Variants in FBXW4 observed in about 807,000 individuals in gnomAD.
FBXW4 encodes F-box/WD repeat-containing protein 4.
FBXW4 carries 40 observed loss-of-function variants against 61.8 expected under a neutral mutation model. That is an observed-to-expected ratio of 0.65 (90% CI 0.50 to 0.84). The LOEUF is 0.84. FBXW4 is among the 40% of genes least tolerant of loss of function. FBXW4 has a pLI of 0.00. For missense variants in FBXW4, 672 were observed against 753.8 expected (o/e 0.89, Z 1.27); for synonymous variants, 311 against 313.8 (o/e 0.99, Z 0.10).
chr10:101,674,326 C>CAAA (rs11431014), intron 2 of FBXW4, among the ~76,000 whole-genome samples: 10 of 140,074 alleles, frequency 7.1e-5, no homozygotes, highest in East Asian at 4.1e-4. Flanking sequence ...GAGACTGTCT[C>CAAA]AAAAAAAAAA....
In FBXW4 at chr10:101,611,351, G is replaced by A. The variant is rs1293225792; in HGVS notation, c.1644C>T (p.Thr548=). 2.5e-6 allele frequency: 4 copies of A among 1,614,192 alleles called. No individual in the cohort carries two copies. The highest frequency in any genetic ancestry group is 1.3e-5 in the African/African-American group (1 of 75,064). The change falls in exon 9 of 9, where the codon ACC becomes ACT. Residue 548 remains threonine, a synonymous_variant. Transcript: ENST00000331272. This position sits in a 1 kb window ranked among gnomAD's most constrained non-coding sequence, Gnocchi z 4.9. ...AAGACAGGGCAGCATAGAGATGCTT[G>A]GTGGTGAGACGCAGGCAGTACACAG... is the stretch of plus-strand genomic sequence containing the variant. ...SSPVYCLRLT[T]KHLYAALSYN...
chr10:101,612,396 T>C lies in FBXW4; in HGVS notation c.1383A>G (p.Thr461=), dbSNP rs765690760. The C allele has an allele frequency of 4.4e-6, 7 of 1,600,616 alleles. No individual in the cohort carries two copies. The highest frequency in any genetic ancestry group is 4.0e-5 in the African/African-American group (3 of 74,654). The change falls in exon 7 of 9, where the codon ACA becomes ACG. Residue 461 remains threonine (T), a synonymous_variant. Transcript: ENST00000331272. ...VLDVMYESPF[T]LLSCGYDTYV... is the part of the protein sequence containing the mutation. ...AGGTGTCATAGCCACAGGACAGCAG[T>C]GTGAAAGGGGACTCATACATGACAT...
intron 6 of FBXW4, among the ~76,000 whole-genome samples, chr10:101,619,620 C>T (rs2134808845): frequency 6.6e-6 from 1 of 151,358 alleles, no homozygotes; most frequent in Non-Finnish European, 1.5e-5. Flanking sequence ...GATAGCACCA[C>T]TGTACTCCAC....
intron 5 of FBXW4, among the ~76,000 whole-genome samples, chr10:101,657,522 T>C (rs1338734858): frequency 6.6e-6 from 1 of 150,864 alleles, no homozygotes; most frequent in Non-Finnish European, 1.5e-5. Context: ...TAGTACCAGC[T>C]ACTTGGGGGG....
In FBXW4 at chr10:101,615,526, C is replaced by G. The variant is rs999336134; in HGVS notation, c.1302-3049G>C. Among the ~76,000 whole-genome samples, 10 of 152,024 alleles carry G rather than the reference C, an allele frequency of 6.6e-5. No homozygotes were observed. The East Asian group carries it at 1.9e-3, about 29-fold the overall frequency. On this transcript the variant is annotated intron_variant, in intron 6 of 8. Transcript: ENST00000331272. ...GGGAGACCTGTTTCCTTGGCTCTGA[C>G]CGTGTGCAGGCTGCTCCTGGGAACC...
chr10:101,612,736 C>T (rs2063798426), intron 6 of FBXW4, among the ~76,000 whole-genome samples: 1 of 151,200 alleles, frequency 6.6e-6, no homozygotes, highest in African/African-American at 2.4e-5. Flanking sequence ...TGCGTGCCGG[C>T]TGCCACCCAC....
At chr10:101,628,732 C>A (rs902848960) in intron 5 of FBXW4, among the ~76,000 whole-genome samples, 1 of 152,212 alleles carries the variant, frequency 6.6e-6, no homozygotes, top group African/African-American at 2.4e-5. Flanking sequence ...GAGGTACCAA[C>A]ACCTAAAAAT....
intron 6 of FBXW4, among the ~76,000 whole-genome samples, chr10:101,619,926 C>T (rs976378908): frequency 6.6e-6 from 1 of 152,202 alleles, no homozygotes; most frequent in Non-Finnish European, 1.5e-5. Flanking sequence ...AGCTGAGAGA[C>T]ACACATAGAC....
intron 5 of FBXW4, among the ~76,000 whole-genome samples, chr10:101,642,989 C>T (rs1463157448): frequency 6.6e-6 from 1 of 152,192 alleles, no homozygotes; most frequent in Non-Finnish European, 1.5e-5. Context: ...TCCCTGCCAT[C>T]CTCCCCAAAT....
chr10:101,663,042 C>A (rs532952120), intron 5 of FBXW4, among the ~76,000 whole-genome samples: 7 of 152,304 alleles, frequency 4.6e-5, no homozygotes, highest in Admixed American at 2.0e-4. Flanking sequence ...ACAGCAATGA[C>A]AAAAGGCCTG....
At chr10:101,639,132 T>C (rs932978854) in intron 5 of FBXW4, among the ~76,000 whole-genome samples, 1 of 152,194 alleles carries the variant, frequency 6.6e-6, no homozygotes, top group Non-Finnish European at 1.5e-5. Context: ...TCATTTTCCT[T>C]TGGAGGAAGC....
intron 5 of FBXW4, among the ~76,000 whole-genome samples, chr10:101,657,639 CA>C (rs35721394): frequency 4.2e-3 from 237 of 56,106 alleles, no homozygotes; most frequent in African/African-American, 0.017. Context: ...GACTCTGTCT[CA>C]AAAAAAAAAA....
At chr10:101,672,861 C>T (rs1338928406) in intron 4 of FBXW4, 54 bp downstream of exon 4, 14 of 1,580,204 alleles carry the variant, frequency 8.9e-6, no homozygotes, top group Non-Finnish European at 1.1e-5. Flanking sequence ...ATCTATCCAC[C>T]CCCTCCCTAT....
intron 5 of FBXW4, among the ~76,000 whole-genome samples, chr10:101,639,609 GTTAA>G (rs2064034229): frequency 6.6e-6 from 1 of 152,240 alleles, no homozygotes; most frequent in South Asian, 2.1e-4. Flanking sequence ...CCTGGCCACA[GTTAA>G]TTAATCAAGA....
intron 1 of FBXW4, among the ~76,000 whole-genome samples, chr10:101,688,531 C>G (rs1271728438): frequency 6.6e-6 from 1 of 152,164 alleles, no homozygotes; most frequent in African/African-American, 2.4e-5. Context: ...AATTCTTTCT[C>G]CAGATAGTCT....
chr10:101,619,773 G>C (rs1227041607), intron 6 of FBXW4, among the ~76,000 whole-genome samples: 2 of 152,144 alleles, frequency 1.3e-5, no homozygotes, highest in African/African-American at 4.8e-5. Context: ...GCTAGCAACT[G>C]CCCCTCCATC....
chr10:101,628,584 G>A (rs984340482), intron 5 of FBXW4, among the ~76,000 whole-genome samples: 18 of 152,218 alleles, frequency 1.2e-4, no homozygotes, highest in Non-Finnish European at 2.5e-4. Context: ...CATGTGCACT[G>A]TGAAGTTGGT....
chr10:101,665,308 G>A (rs886500390), intron 5 of FBXW4, among the ~76,000 whole-genome samples: 4 of 152,190 alleles, frequency 2.6e-5, no homozygotes, highest in African/African-American at 9.6e-5. Flanking sequence ...TGGAGTTAGG[G>A]GAAGACCATC....
intron 1 of FBXW4, among the ~76,000 whole-genome samples, chr10:101,681,938 G>A (rs1486473714): frequency 2.6e-5 from 4 of 151,880 alleles, no homozygotes; most frequent in African/African-American, 4.8e-5. Context: ...CAATTCTACC[G>A]CTTACTAATT....
Sources: gnomAD v4.1 joint callset for allele counts (sites outside exome capture counted in the v4.1 genomes callset) on GRCh38, gnomAD v4.1.1 for gene constraint, Gnocchi (gnomAD v3.1) non-coding constraint, MANE v1.5 for transcripts, NCBI Gene and HGNC (gene_info 2026-07-23, HGNC 2026-07-21) for gene names.